STK32B: variants seen among roughly 807,000 people sequenced by gnomAD.
STK32B encodes the protein serine/threonine kinase 32B.
In STK32B, 43 loss-of-function variants were observed where a neutral mutation model predicts 52.6. The ratio of observed to expected loss-of-function variants is 0.82; its 90% CI spans 0.64 to 1.05. The LOEUF (loss-of-function observed/expected upper bound fraction) is 1.05, where lower values mean the gene tolerates loss of function less well. STK32B is among the 50% of genes least tolerant of loss of function. STK32B has a pLI of 0.00. For missense variants in STK32B, 621 were observed against 534.6 expected (o/e 1.16, Z -1.59); for synonymous variants, 238 against 204.3 (o/e 1.17, Z -1.41).
intron 4 of STK32B, among the ~76,000 whole-genome samples, chr4:5,359,218 GT>G (rs1042422579): frequency 3.3e-5 from 5 of 152,120 alleles, no homozygotes; most frequent in Admixed American, 2.0e-4. Flanking sequence ...ATATTTATAG[GT>G]TGGTGATACT....
In STK32B at chr4:5,230,178, C is replaced by CTTTT. The variant is rs752036100; in HGVS notation, c.260+61756_260+61759dup. ...AGAAGAACACTCAAGCATGCATTCC[C>CTTTT]TTTTTTTTTTTTTTTTTTTTTTTTT... On this transcript the variant is annotated intron_variant, in intron 3 of 11. Transcript: ENST00000282908. 1.6e-3 allele frequency among the ~76,000 whole-genome samples: 117 copies of CTTTT among 71,112 alleles called. 9 individuals are homozygous for CTTTT. Among genetic ancestry groups the CTTTT allele is most frequent in the African/African-American group, 5.9e-3 (76 of 12,898 alleles). The allele number at this position is 71,112 out of a possible 152,430, so 46.7% of individuals were successfully genotyped here. A position where few individuals can be genotyped will look rare whatever the true frequency, so the allele number is the denominator to read the frequency against.
At chr4:5,187,370 T>C (rs927868202) in intron 3 of STK32B, among the ~76,000 whole-genome samples, 9 of 152,234 alleles carry the variant, frequency 5.9e-5, no homozygotes, top group African/African-American at 2.2e-4. Context: ...GTACCATTTG[T>C]CCATCACCTA....
chr4:5,092,439 G>A (rs987704273), intron 1 of STK32B, among the ~76,000 whole-genome samples: 1 of 152,060 alleles, frequency 6.6e-6, no homozygotes, highest in Non-Finnish European at 1.5e-5. Context: ...GGCTGAGGCC[G>A]GAGAATGGTG....
At chr4:5,148,774 C>A (rs13131387) in intron 2 of STK32B, among the ~76,000 whole-genome samples, 49,121 of 151,568 alleles carry the variant, frequency 0.32, 9,385 homozygotes, top group Non-Finnish European at 0.44. Context: ...GCTTCCGTGT[C>A]ATTGCCGATT....
rs1204375163 is a variant in STK32B at position 5,357,085 on chromosome 4, GTATACACACACACACACACACACACA to G, written c.434+25697_434+25722del. ...TATACACACATATACACACACACAC[GTATACACACACACACACACACACACA>G]TATATATACACACACCTTGAGTGAA... is the stretch of plus-strand genomic sequence containing the variant. On this transcript the variant is annotated intron_variant, in intron 4 of 11. Transcript: ENST00000282908. Among the ~76,000 whole-genome samples the G allele has an allele frequency of 3.3e-5, 4 of 121,300 alleles. 1 individual carries two copies. The highest frequency in any genetic ancestry group is 8.1e-5 in the African/African-American group (2 of 24,626). 79.6% of individuals were successfully genotyped at this position (121,300 alleles called of 152,430 possible).
intron 5 of STK32B, among the ~76,000 whole-genome samples, chr4:5,406,559 A>G (rs1737689282): frequency 1.3e-5 from 2 of 152,114 alleles, no homozygotes; most frequent in Non-Finnish European, 2.9e-5. Context: ...CATTCTCTGA[A>G]ATCTAGGTGG....
intron 1 of STK32B, among the ~76,000 whole-genome samples, chr4:5,096,332 C>T (rs1713390347): frequency 6.6e-6 from 1 of 152,168 alleles, no homozygotes; most frequent in Non-Finnish European, 1.5e-5. Context: ...AAAATATTCT[C>T]TCCTCTCCTG....
chr4:5,270,044 A>G (rs1024687046), intron 3 of STK32B, among the ~76,000 whole-genome samples: 7 of 152,224 alleles, frequency 4.6e-5, no homozygotes, highest in Non-Finnish European at 1.0e-4. Context: ...GAAACATTTG[A>G]TAAAATCCAA....
upstream of STK32B, among the ~76,000 whole-genome samples, chr4:5,047,393 C>A (rs549176008): frequency 4.3e-4 from 66 of 152,222 alleles, no homozygotes; most frequent in African/African-American, 1.5e-3. Flanking sequence ...GTGCAGCAAA[C>A]CACCACGGCA....
chr4:5,296,520 C>T lies in STK32B; in HGVS notation c.261-34700C>T, dbSNP rs557141255. ...TGATCCCTTTACCATTATGTAATGCCTTTCTTTGTCTTTTTTGATCTTTGT... is the reference window on the plus strand; with the variant it reads ...TGATCCCTTTACCATTATGTAATGCTTTTCTTTGTCTTTTTTGATCTTTGT... On this transcript the variant is annotated intron_variant, in intron 3 of 11. Transcript: ENST00000282908. Among the ~76,000 whole-genome samples the T allele has an allele frequency of 1.1e-4, 17 of 152,202 alleles. No homozygotes were observed. The South Asian group carries it at 3.5e-3, about 32-fold the overall frequency.
At chr4:5,493,773 G>C (rs986657484) in intron 11 of STK32B, among the ~76,000 whole-genome samples, 4 of 152,180 alleles carry the variant, frequency 2.6e-5, no homozygotes, top group African/African-American at 9.6e-5. Flanking sequence ...ATTCTGGTAT[G>C]TTGTGTCTTT....
chr4:5,236,589 C>G (rs558157192), intron 3 of STK32B, among the ~76,000 whole-genome samples: 4 of 152,104 alleles, frequency 2.6e-5, no homozygotes, highest in African/African-American at 9.7e-5. Flanking sequence ...AGGTCTGAGA[C>G]GTATATAAAG....
intron 3 of STK32B, among the ~76,000 whole-genome samples, chr4:5,210,023 A>G (rs370842841): frequency 1.3e-5 from 2 of 152,160 alleles, no homozygotes; most frequent in Non-Finnish European, 2.9e-5. Flanking sequence ...TAACAGCACA[A>G]TTCCTGGAAG....
At chr4:5,286,951 C>T (rs1312488286) in intron 3 of STK32B, among the ~76,000 whole-genome samples, 1 of 152,034 alleles carries the variant, frequency 6.6e-6, no homozygotes, top group Non-Finnish European at 1.5e-5. Flanking sequence ...GCGTCAGCCA[C>T]CACGCCAGGC....
the STK32B span, among the ~76,000 whole-genome samples, chr4:5,037,420 T>C: frequency 6.6e-6 from 1 of 152,142 alleles, no homozygotes; most frequent in Non-Finnish European, 1.5e-5. Context: ...ATGAAGAAAC[T>C]GAAAGAAAGT....
chr4:5,060,286 G>A (rs1056185248), intron 1 of STK32B, among the ~76,000 whole-genome samples: 4 of 152,090 alleles, frequency 2.6e-5, no homozygotes, highest in Non-Finnish European at 4.4e-5. Context: ...TTATTGATAA[G>A]TTTCAAGTTT....
intron 3 of STK32B, among the ~76,000 whole-genome samples, chr4:5,280,231 C>T (rs1012040180): frequency 3.3e-5 from 5 of 152,108 alleles, no homozygotes; most frequent in African/African-American, 9.7e-5. Context: ...GTTCAAAGTT[C>T]CACAAATCTC....
intron 2 of STK32B, among the ~76,000 whole-genome samples, chr4:5,165,637 C>T (rs953968222): frequency 2.6e-5 from 4 of 152,156 alleles, no homozygotes; most frequent in East Asian, 1.9e-4. Context: ...TATCCTCCCA[C>T]GACATGTCTG....
At chr4:5,142,191 C>T (rs1378051274) in intron 2 of STK32B, among the ~76,000 whole-genome samples, 3 of 152,164 alleles carry the variant, frequency 2.0e-5, no homozygotes, top group Non-Finnish European at 4.4e-5. Flanking sequence ...GAAGTGATCC[C>T]TACTGACCAG....
Sources: allele counts gnomAD v4.1 joint callset (sites outside exome capture counted in the v4.1 genomes callset), GRCh38; gene constraint gnomAD v4.1.1; transcripts MANE v1.5; gene names NCBI Gene and HGNC (gene_info 2026-07-23, HGNC 2026-07-21).